UTP4: variants seen among roughly 807,000 people sequenced by gnomAD.
The protein encoded by UTP4 is U3 small nucleolar RNA-associated protein 4 homolog.
A neutral mutation model predicts 82.4 loss-of-function variants in UTP4; 45 were observed. That is an observed-to-expected ratio of 0.55 (90% CI 0.43 to 0.70). UTP4 has a LOEUF of 0.70. UTP4 is among the 30% of genes least tolerant of loss of function. The pLI is 0.00. For synonymous variants in UTP4, 348 were observed against 300.3 expected (o/e 1.16, Z -1.64); for missense variants, 819 against 858.3 (o/e 0.95, Z 0.57).
At position 69,150,607 on chromosome 16, in the gene UTP4, C is replaced by CT; in HGVS notation, c.810dup (p.Asn271Ter). On this transcript the variant is annotated frameshift_variant, in exon 7 of 17. Transcript: ENST00000314423. LOFTEE classifies it high-confidence loss of function. ...CATTTTCAGCTGGTCCCTGTGACAT[C>CT]TAACAGCAGTGAGAAGCAGTGGGTG... 1.2e-6 allele frequency: 2 copies of CT among 1,614,244 alleles called. No homozygotes were observed. The highest frequency in any genetic ancestry group is 1.7e-6 in the Non-Finnish European group (2 of 1,180,036).
chr16:69,165,062 G>T (rs897667738), intron 14 of UTP4, among the ~76,000 whole-genome samples: 1 of 152,048 alleles, frequency 6.6e-6, no homozygotes, highest in Admixed American at 6.6e-5. Context: ...GGGCGTACTC[G>T]TGGGCGCCTA....
chr16:69,150,315 G>A (rs973715192), intron 6 of UTP4, among the ~76,000 whole-genome samples: 7 of 152,124 alleles, frequency 4.6e-5, no homozygotes, highest in Non-Finnish European at 1.0e-4. Context: ...TTGCTGTACT[G>A]TAGACGTTAA....
intron 8 of UTP4, among the ~76,000 whole-genome samples, chr16:69,152,455 T>C (rs1037433455): frequency 3.3e-5 from 5 of 149,270 alleles, no homozygotes; most frequent in African/African-American, 1.3e-4. Context: ...TCAGCTAATT[T>C]CTGTTTTTCT....
chr16:69,150,424 T>C (rs1353390788), intron 6 of UTP4, 113 bp from the exon 7 acceptor site: 12 of 1,172,406 alleles, frequency 1.0e-5, no homozygotes, highest in Non-Finnish European at 1.5e-5. Context: ...ACTTTCCTAC[T>C]GATTCTGGGC....
intron 8 of UTP4, among the ~76,000 whole-genome samples, 178 bp from the exon 9 acceptor site, chr16:69,153,406 C>T (rs1963327000): frequency 6.6e-6 from 1 of 152,160 alleles, no homozygotes; most frequent in South Asian, 2.1e-4. Context: ...TGTTTTAATT[C>T]ATCATCGTCT....
At chr16:69,133,151 A>G (rs1385797147) in intron 1 of UTP4, 7 of 392,948 alleles carry the variant, frequency 1.8e-5, no homozygotes, top group Non-Finnish European at 3.3e-5. Flanking sequence ...CAAACTTAGC[A>G]ATAGAGTTGA....
intron 4 of UTP4, 195 bp from the exon 5 acceptor site, chr16:69,139,630 T>C (rs1962902447): frequency 6.3e-6 from 1 of 159,990 alleles, no homozygotes; most frequent in Admixed American, 7.1e-5. Context: ...CAGAGGAGAC[T>C]CCGTCTCAAA....
At chr16:69,136,037 C>CA (rs1357421877) in intron 2 of UTP4, among the ~76,000 whole-genome samples, 5 of 152,096 alleles carry the variant, frequency 3.3e-5, no homozygotes, top group Non-Finnish European at 7.4e-5. Flanking sequence ...CTCCAAAAAA[C>CA]AAAAAAGTGA....
rs369049138 is a variant in UTP4, at chr16:69,137,894, C to T, written c.436+9C>T. On this transcript the variant is annotated intron_variant, in intron 4 of 16. Coordinates refer to ENST00000314423, the MANE Select transcript of UTP4 (RefSeq NM_032830.3). ...TTTTGATCGGCAGAAAAGTAAGCGT[C>T]ATTTTTCATGGGGCGGTAAATAGCC... 5.8e-6 allele frequency: 9 copies of T among 1,559,072 alleles called. No individual in the cohort carries two copies. Among genetic ancestry groups the T allele is most frequent in the Non-Finnish European group, 7.1e-6 (8 of 1,130,020 alleles).
chr16:69,137,010 T>A (rs934732727), intron 3 of UTP4, 123 bp downstream of exon 3: 11 of 845,190 alleles, frequency 1.3e-5, no homozygotes, highest in East Asian at 2.4e-5. Flanking sequence ...ACTATAAGAT[T>A]GGAATTGATA....
intron 2 of UTP4, among the ~76,000 whole-genome samples, chr16:69,135,398 G>A (rs1962785017): frequency 6.6e-6 from 1 of 151,910 alleles, no homozygotes; most frequent in Admixed American, 6.6e-5. Flanking sequence ...GACTCTCAGA[G>A]CAAGAAAAAA....
intron 13 of UTP4, 136 bp downstream of exon 13, chr16:69,160,598 C>CTTTT (rs369908672): frequency 2.9e-5 from 17 of 576,566 alleles, no homozygotes; most frequent in Non-Finnish European, 3.9e-5. Context: ...CTTTTCTTTT[C>CTTTT]TTTTTTTTTT....
intron 12 of UTP4, among the ~76,000 whole-genome samples, chr16:69,159,879 T>C (rs1460868446): frequency 6.6e-6 from 1 of 150,802 alleles, no homozygotes; most frequent in Non-Finnish European, 1.5e-5. Flanking sequence ...TCCCAGCTAG[T>C]CAGGAGGCTG....
intron 6 of UTP4, among the ~76,000 whole-genome samples, chr16:69,145,935 A>G (rs1963096700): frequency 6.6e-6 from 1 of 152,042 alleles, no homozygotes; most frequent in Non-Finnish European, 1.5e-5. Flanking sequence ...AGTTATAATC[A>G]TGATTCATAC....
chr16:69,138,235 C>CTTTT (rs535515310), intron 4 of UTP4, among the ~76,000 whole-genome samples: 1 of 139,328 alleles, frequency 7.2e-6, no homozygotes, highest in African/African-American at 2.6e-5. Context: ...TCTTTTCTTT[C>CTTTT]TTTTTTTTTT....
At position 69,150,521 on chromosome 16, in the gene UTP4, T is replaced by C; in HGVS notation, c.739-16T>C. ...GTTTTGCTTACGTGTACCTCCCTCA[T>C]GATTTAATTCCTCAGCAAGAAGACA... On this transcript the variant is annotated splice_polypyrimidine_tract_variant and intron_variant, in intron 6 of 16. Transcript: ENST00000314423. The C allele has an allele frequency of 6.2e-7, 1 of 1,614,152 alleles. No homozygotes were observed. Among genetic ancestry groups the C allele is most frequent in the South Asian group, 1.1e-5 (1 of 91,084 alleles).
At chr16:69,153,798 C>G in intron 9 of UTP4, 118 bp downstream of exon 9, 1 of 747,638 alleles carries the variant, frequency 1.3e-6, no homozygotes, top group Non-Finnish European at 2.4e-6. Flanking sequence ...TCCATTTTAA[C>G]TAATGGTTTT....
Position 69,165,356 on chromosome 16 carries a change from A to G in UTP4, c.1663A>G (p.Ile555Val). 1.2e-6 allele frequency: 2 copies of G among 1,614,174 alleles called. No individual in the cohort carries two copies. Among genetic ancestry groups the G allele is most frequent in the South Asian group, 1.1e-5 (1 of 91,082 alleles). ...CCTCCCTCAGGTATTTGAGTACAGCATCCCAGACAAACAGTATACAGATTG... is the reference window on the plus strand; with the variant it reads ...CCTCCCTCAGGTATTTGAGTACAGCGTCCCAGACAAACAGTATACAGATTG... ...HSDQQVFEYS[I>V]PDKQYTDWSR... Residue 555 changes from isoleucine to valine, a missense_variant, in exon 15 of 17, where the codon ATC (isoleucine) becomes GTC (valine). Transcript: ENST00000314423.
intron 5 of UTP4, 121 bp from the exon 6 acceptor site, chr16:69,143,057 T>C (rs1963006666): frequency 1.0e-6 from 1 of 980,980 alleles, no homozygotes; most frequent in Non-Finnish European, 1.6e-6. Flanking sequence ...GAGGTCTCAC[T>C]TCGTTGCCTA....
Sources: gnomAD v4.1 joint callset for allele counts (sites outside exome capture counted in the v4.1 genomes callset) on GRCh38, gnomAD v4.1.1 for gene constraint, MANE v1.5 for transcripts, NCBI Gene and HGNC (gene_info 2026-07-23, HGNC 2026-07-21) for gene names.